Variants in NRP1 observed in about 807,000 individuals in gnomAD.
NRP1 encodes neuropilin 1.
A neutral mutation model predicts 106.7 loss-of-function variants in NRP1; 35 were observed. The ratio of observed to expected loss-of-function variants is 0.33; its 90% CI spans 0.25 to 0.43. The LOEUF (loss-of-function observed/expected upper bound fraction) is 0.43. Ranked by LOEUF, NRP1 falls within the 20% of genes least tolerant of loss-of-function variation. The pLI, the probability that NRP1 is intolerant of heterozygous loss-of-function variation, is 1.00. For synonymous variants in NRP1, 437 were observed against 417.9 expected (o/e 1.05, Z -0.56); for missense variants, 1,024 against 1,170.4 (o/e 0.87, Z 1.83).
chr10:33,252,109 G>A (rs941620454), intron 6 of NRP1, among the ~76,000 whole-genome samples: 1 of 152,066 alleles, frequency 6.6e-6, no homozygotes, highest in East Asian at 1.9e-4. Flanking sequence ...GAACACATTG[G>A]GGGAAGAAGG....
At chr10:33,184,168 C>T (rs543607788) in intron 15 of NRP1, among the ~76,000 whole-genome samples, 19 of 152,290 alleles carry the variant, frequency 1.2e-4, no homozygotes, top group Admixed American at 9.8e-4. Context: ...CTGCGTGCCA[C>T]CACGCCCAGC....
chr10:33,326,284 T>C (rs1847884398), intron 2 of NRP1, among the ~76,000 whole-genome samples: 1 of 152,186 alleles, frequency 6.6e-6, no homozygotes, highest in South Asian at 2.1e-4. Context: ...TGAAGAAAAC[T>C]TTAGTGGAGT....
chr10:33,257,132 T>C (rs1842252224), intron 4 of NRP1, among the ~76,000 whole-genome samples: 1 of 152,242 alleles, frequency 6.6e-6, no homozygotes, highest in African/African-American at 2.4e-5. Flanking sequence ...ATACCAATAA[T>C]TTATACATAA....
At chr10:33,240,570 G>A in intron 6 of NRP1, among the ~76,000 whole-genome samples, 1 of 152,098 alleles carries the variant, frequency 6.6e-6, no homozygotes. Flanking sequence ...GTCTAAATCA[G>A]TCTCTTGGCC....
chr10:33,308,835 C>A (rs868253037), intron 2 of NRP1, among the ~76,000 whole-genome samples: 4 of 151,972 alleles, frequency 2.6e-5, no homozygotes, highest in Admixed American at 2.0e-4. Flanking sequence ...AGAAAATAAG[C>A]AGAAAGAATA....
chr10:33,234,208 T>G (rs1356129004), intron 6 of NRP1, among the ~76,000 whole-genome samples: 1 of 152,180 alleles, frequency 6.6e-6, no homozygotes, highest in Non-Finnish European at 1.5e-5. Flanking sequence ...TCTCTTTCAA[T>G]TCTCACAACA....
chr10:33,329,493 C>T (rs1361836779), intron 2 of NRP1, among the ~76,000 whole-genome samples: 13 of 152,072 alleles, frequency 8.5e-5, no homozygotes, highest in Admixed American at 6.6e-4. Flanking sequence ...TGTTCTTTCC[C>T]AAAAGAAATG....
chr10:33,276,530 C>T (rs983731634), intron 2 of NRP1, among the ~76,000 whole-genome samples: 24 of 152,238 alleles, frequency 1.6e-4, no homozygotes, highest in African/African-American at 5.8e-4. Flanking sequence ...AGGTAGCAGG[C>T]GATATCCTAG....
At chr10:33,278,916 C>T (rs910079202) in intron 2 of NRP1, among the ~76,000 whole-genome samples, 20 of 151,468 alleles carry the variant, frequency 1.3e-4, no homozygotes, top group African/African-American at 4.1e-4. Flanking sequence ...AGGTCAGGTA[C>T]GAGAGTTTAT....
intron 12 of NRP1, chr10:33,194,631 A>C: frequency 2.2e-6 from 1 of 462,888 alleles, no homozygotes; most frequent in Non-Finnish European, 4.5e-6. Flanking sequence ...AACCGCTCTA[A>C]GTTTTTGTAT....
At chr10:33,258,077 A>G (rs1842322207) in intron 4 of NRP1, among the ~76,000 whole-genome samples, 2 of 152,220 alleles carry the variant, frequency 1.3e-5, no homozygotes, top group African/African-American at 4.8e-5. Context: ...GATGAAGGCC[A>G]GGAGAGACTT....
At chr10:33,308,028 C>T (rs181512293) in intron 2 of NRP1, among the ~76,000 whole-genome samples, 6 of 152,228 alleles carry the variant, frequency 3.9e-5, no homozygotes, top group South Asian at 2.1e-4. Flanking sequence ...CGGAATACTA[C>T]GCAGCCATAA....
At chr10:33,211,448 A>G (rs1324904062) in intron 9 of NRP1, 1 of 152,270 alleles carries the variant, frequency 6.6e-6, no homozygotes, top group African/African-American at 2.4e-5. Context: ...TTCCCCCCAA[A>G]CAAGGCACAA....
At chr10:33,280,469 G>T (rs1253830752) in intron 2 of NRP1, among the ~76,000 whole-genome samples, 1 of 151,774 alleles carries the variant, frequency 6.6e-6, no homozygotes, top group East Asian at 1.9e-4. Context: ...TTTATAACTT[G>T]TTCACCTCCC....
At chr10:33,282,293 T>C (rs1844199722) in intron 2 of NRP1, among the ~76,000 whole-genome samples, 1 of 152,220 alleles carries the variant, frequency 6.6e-6, no homozygotes, top group South Asian at 2.1e-4. Flanking sequence ...TTTCCAGTTC[T>C]GGAAAGGCAG....
intron 2 of NRP1, among the ~76,000 whole-genome samples, chr10:33,330,287 T>C (rs1848179678): frequency 6.6e-6 from 1 of 151,986 alleles, no homozygotes. Flanking sequence ...TCTCAAATAG[T>C]GAGATCTCCA....
At chr10:33,254,568 A>G (rs1842076015) in intron 5 of NRP1, among the ~76,000 whole-genome samples, 1 of 152,160 alleles carries the variant, frequency 6.6e-6, no homozygotes, top group South Asian at 2.1e-4. Context: ...AAATTTTTGT[A>G]TTAAATTATT....
At chr10:33,320,768 G>A (rs1051670423) in intron 2 of NRP1, among the ~76,000 whole-genome samples, 4 of 152,160 alleles carry the variant, frequency 2.6e-5, no homozygotes, top group African/African-American at 9.7e-5. Context: ...CATTCTGTGG[G>A]ACAGCGAAAG....
At chr10:33,198,787 G>A (rs2132669579) in intron 11 of NRP1, among the ~76,000 whole-genome samples, 2 of 152,248 alleles carry the variant, frequency 1.3e-5, no homozygotes, top group Middle Eastern at 6.8e-3. Context: ...TTGGCTACTG[G>A]AGCTGTTTAC....
Sources: allele counts gnomAD v4.1 joint callset (sites outside exome capture counted in the v4.1 genomes callset), GRCh38; gene constraint gnomAD v4.1.1; transcripts MANE v1.5; gene names NCBI Gene and HGNC (gene_info 2026-07-23, HGNC 2026-07-21).